The following HPRT1 variants were observed in gnomAD, a reference collection of about 807,000 sequenced individuals.
HPRT1 encodes the protein hypoxanthine-guanine phosphoribosyltransferase.
In HPRT1, 4 loss-of-function variants were observed where a neutral mutation model predicts 19.0. The ratio of observed to expected loss-of-function variants is 0.21; its 90% CI spans 0.10 to 0.48. The LOEUF is 0.48. Ranked by LOEUF, HPRT1 falls within the 20% of genes least tolerant of loss-of-function variation. HPRT1 has a pLI of 0.98. For missense variants in HPRT1, 65 were observed against 164.0 expected (o/e 0.40, Z 3.30); for synonymous variants, 53 against 54.9 (o/e 0.97, Z 0.15).
chrX:134,475,020 A>G (rs2077620663), intron 2 of HPRT1, among the ~76,000 whole-genome samples, 161 bp from the exon 3 acceptor site: 1 of 110,420 alleles, frequency 9.1e-6, no homozygotes, highest in Non-Finnish European at 1.9e-5. Context: ...AGCTGGGACT[A>G]CAGGTACATG....
intron 3 of HPRT1, among the ~76,000 whole-genome samples, chrX:134,479,587 G>T (rs781002038): frequency 9.1e-6 from 1 of 110,367 alleles, no homozygotes; most frequent in Admixed American, 9.7e-5. Context: ...TTTTGTTGTT[G>T]TTGTTGTTGT....
At chrX:134,483,212 C>A (rs929741092) in intron 3 of HPRT1, among the ~76,000 whole-genome samples, 3 of 110,942 alleles carry the variant, frequency 2.7e-5, no homozygotes, top group Admixed American at 9.7e-5. Context: ...CCTTATAGTT[C>A]AACCTCCCTG....
At chrX:134,492,269 T>G (rs1259170056) in intron 5 of HPRT1, among the ~76,000 whole-genome samples, 1 of 109,112 alleles carries the variant, frequency 9.2e-6, no homozygotes, top group Non-Finnish European at 1.9e-5. Flanking sequence ...ACAAAAGTAT[T>G]AACATTTTGC....
In HPRT1 at chrX:134,460,176, G is replaced by T; in HGVS notation, c.-136G>T. 1.6e-6 allele frequency: 1 copy of T among 625,906 alleles called. No individual in the cohort carries two copies. The highest frequency in any genetic ancestry group is 2.4e-6 in the Non-Finnish European group (1 of 418,538). The allele number at this position is 625,906 out of a possible 1,213,427, so 51.6% of individuals were successfully genotyped here. A position where few individuals can be genotyped will look rare whatever the true frequency, so the allele number is the denominator to read the frequency against. ...GCCTGCTTCTCCTCAGCTTCAGGCG[G>T]CTGCGACGAGCCCTCAGGCGAACCT... On this transcript the variant is annotated 5_prime_UTR_variant, in exon 1 of 9. Coordinates refer to ENST00000298556, the MANE Select transcript of HPRT1 (RefSeq NM_000194.3).
chrX:134,476,427 GTTTAAACACAAAAT>G (rs752069713), intron 3 of HPRT1, among the ~76,000 whole-genome samples: 13 of 112,195 alleles, frequency 1.2e-4, no homozygotes, highest in South Asian at 7.3e-4. Context: ...TTAAAGACTT[GTTTAAACACAAAAT>G]TTAGACTTTT....
chrX:134,475,367 G>A lies in HPRT1; in HGVS notation c.318+3G>A. The A allele has an allele frequency of 9.1e-7, 1 of 1,100,833 alleles. No homozygotes were observed. The highest frequency in any genetic ancestry group is 3.0e-5 in the East Asian group (1 of 33,366). 90.7% of individuals were successfully genotyped at this position (1,100,833 alleles called of 1,213,427 possible). A position where few individuals can be genotyped will look rare whatever the true frequency, so the allele number is the denominator to read the frequency against. ...TTATCAGACTGAAGAGCTATTGTGTGAGTATATTTAATATATGATTCTTTT... is the reference window on the plus strand; with the variant it reads ...TTATCAGACTGAAGAGCTATTGTGTAAGTATATTTAATATATGATTCTTTT... On this transcript the variant is annotated splice_donor_region_variant and intron_variant, in intron 3 of 8. Transcript: ENST00000298556.
intron 6 of HPRT1, among the ~76,000 whole-genome samples, chrX:134,496,132 G>A (rs1256436446): frequency 1.8e-5 from 2 of 111,875 alleles, no homozygotes; most frequent in Non-Finnish European, 3.8e-5. Flanking sequence ...TAGTAACTCT[G>A]TGTTTAACAT....
At chrX:134,474,925 A>G (rs755440250) in intron 2 of HPRT1, among the ~76,000 whole-genome samples, 1 of 111,205 alleles carries the variant, frequency 9.0e-6, no homozygotes, top group Non-Finnish European at 1.9e-5. Context: ...TCTATTGTCC[A>G]GGCTGGAGTG....
chrX:134,493,693 G>A (rs1049456835), intron 6 of HPRT1, 103 bp downstream of exon 6: 14 of 571,854 alleles, frequency 2.4e-5, no homozygotes, highest in Admixed American at 7.0e-5. Context: ...TTTTATCTTC[G>A]AAAAGTAATG....
intron 8 of HPRT1, among the ~76,000 whole-genome samples, chrX:134,499,540 C>A (rs1285099980): frequency 9.1e-6 from 1 of 110,141 alleles, no homozygotes; most frequent in Admixed American, 9.7e-5. Flanking sequence ...CGCGGTGGCT[C>A]ACGCCTGTAA....
intron 6 of HPRT1, among the ~76,000 whole-genome samples, chrX:134,494,649 A>T (rs748858670): frequency 8.9e-6 from 1 of 112,301 alleles, no homozygotes; most frequent in Non-Finnish European, 1.9e-5. Context: ...TGAAATGGCA[A>T]AAACTGCAAT....
intron 1 of HPRT1, among the ~76,000 whole-genome samples, chrX:134,467,040 G>GTTT (rs1403014640): frequency 1.4e-5 from 1 of 71,215 alleles, no homozygotes; most frequent in African/African-American, 6.4e-5. Context: ...TAGATTTTAA[G>GTTT]CTTTTTTTTT....
Position 134,486,446 on chromosome X carries a change from T to TC in HPRT1, c.319-19_319-18insC. 1 of 856,132 alleles carries TC rather than the reference T, an allele frequency of 1.2e-6. No homozygotes were observed. Among genetic ancestry groups the TC allele is most frequent in the Non-Finnish European group, 1.6e-6 (1 of 624,159 alleles). The allele number at this position is 856,132 out of a possible 1,213,427, so 70.6% of individuals were successfully genotyped here. A position where few individuals can be genotyped will look rare whatever the true frequency, so the allele number is the denominator to read the frequency against. On this transcript the variant is annotated intron_variant, in intron 3 of 8. Transcript: ENST00000298556. ...GTGTGTAGATATATATATATATAGTTTTTTTTTTTTTTAACTAGAATGACC... is the reference window on the plus strand; with the variant it reads ...GTGTGTAGATATATATATATATAGTTCTTTTTTTTTTTTAACTAGAATGACC...
intron 3 of HPRT1, among the ~76,000 whole-genome samples, chrX:134,480,662 T>C (rs1326213556): frequency 9.6e-6 from 1 of 104,338 alleles, no homozygotes; most frequent in East Asian, 3.1e-4. Context: ...TTGCCCAGGC[T>C]GGTCTCAAAC....
chrX:134,494,438 T>C (rs1290961377), intron 6 of HPRT1, among the ~76,000 whole-genome samples: 11 of 112,226 alleles, frequency 9.8e-5, no homozygotes, highest in Non-Finnish European at 1.9e-4. Flanking sequence ...ATAAGCCCTT[T>C]TGAAAAAATC....
At chrX:134,492,030 T>TACACACACACACACAC (rs2077668420) in intron 5 of HPRT1, among the ~76,000 whole-genome samples, 1 of 98,697 alleles carries the variant, frequency 1.0e-5, no homozygotes, top group African/African-American at 3.8e-5. Context: ...TACATATATA[T>TACACACACACACACAC]ATATACACAC....
At chrX:134,493,435 T>C in intron 5 of HPRT1, 73 bp from the exon 6 acceptor site, 1 of 682,163 alleles carries the variant, frequency 1.5e-6, no homozygotes, top group Non-Finnish European at 2.4e-6. Context: ...GTATTGCAGT[T>C]ATACATGGGG....
At chrX:134,492,518 C>T (rs781514802) in intron 5 of HPRT1, 9 of 330,385 alleles carry the variant, frequency 2.7e-5, no homozygotes, top group Non-Finnish European at 4.7e-5. Flanking sequence ...AGGTTGTTGG[C>T]AGAATTTAGT....
At chrX:134,471,181 T>C (rs958325769) in intron 1 of HPRT1, among the ~76,000 whole-genome samples, 25 of 111,394 alleles carry the variant, frequency 2.2e-4, no homozygotes, top group African/African-American at 7.5e-4. Context: ...AGAAAGACCA[T>C]TGAATTTTTT....
Sources: gnomAD v4.1 joint callset for allele counts (sites outside exome capture counted in the v4.1 genomes callset) on GRCh38, gnomAD v4.1.1 for gene constraint, MANE v1.5 for transcripts, NCBI Gene and HGNC (gene_info 2026-07-23, HGNC 2026-07-21) for gene names.